Variants in ZNF721 observed in about 807,000 individuals in gnomAD.
The protein encoded by ZNF721 is zinc finger protein 721.
In ZNF721, 2 loss-of-function variants were observed where a neutral mutation model predicts 2.4. The observed-to-expected ratio is 0.82, with a 90% confidence interval of 0.34 to 2.58. ZNF721 has a LOEUF of 2.58. Among genes scored for constraint, ZNF721 ranks in the 30% most tolerant of loss-of-function variants. ZNF721 has a pLI of 0.11. For synonymous variants in ZNF721, 398 were observed against 381.8 expected, an observed-to-expected ratio of 1.04 and a Z score of -0.50; for missense variants, 1,187 against 1,085.5, an observed-to-expected ratio of 1.09 and a Z score of -1.31.
rs1461024671 is a variant in ZNF721 at position 450,957 on chromosome 4, ATATAT to A, written c.35-6530_35-6526del. ...GTCTCCAAAAAAAAAAAAAAAAAAA[ATATAT>A]ATATATATATATATATATATATATA... is the stretch of plus-strand genomic sequence containing the variant. On this transcript the variant is annotated intron_variant, in intron 2 of 2. Coordinates refer to ENST00000511833, the MANE Select transcript of ZNF721 (RefSeq NM_133474.4). 5.7e-3 allele frequency among the ~76,000 whole-genome samples: 192 copies of A among 33,582 alleles called. 5 individuals carry two copies. Among genetic ancestry groups the A allele is most frequent in the African/African-American group, 0.025 (129 of 5,182 alleles). 22.0% of individuals were successfully genotyped at this position (33,582 alleles called of 152,430 possible).
intron 1 of ZNF721, among the ~76,000 whole-genome samples, chr4:479,845 A>G (rs1269421156): frequency 6.6e-6 from 1 of 152,226 alleles, no homozygotes; most frequent in Non-Finnish European, 1.5e-5. Context: ...TCTGATTTAA[A>G]ACATCTGCCC....
At chr4:476,718 A>G (rs530722660) in intron 1 of ZNF721, among the ~76,000 whole-genome samples, 11 of 152,312 alleles carry the variant, frequency 7.2e-5, no homozygotes, top group Middle Eastern at 3.4e-3. Flanking sequence ...ACTGACTCAC[A>G]AAATAGAAAC....
rs558103778 is a variant in ZNF721 at position 480,923 on chromosome 4, T to C, written c.-93-8222A>G. ...ACCCAGAAATGGAATTGCTGGATTG[T>C]ATGACAATTTCATTTTTCTGATAGC... On this transcript the variant is annotated intron_variant, in intron 1 of 2. Transcript: ENST00000511833. Among the ~76,000 whole-genome samples the C allele has an allele frequency of 3.9e-5, 6 of 152,048 alleles. No homozygotes were observed. In the South Asian group the frequency reaches 8.3e-4, roughly 21 times the overall value.
intron 2 of ZNF721, among the ~76,000 whole-genome samples, chr4:454,642 C>T (rs782233879): frequency 1.3e-5 from 2 of 152,128 alleles, no homozygotes; most frequent in Non-Finnish European, 2.9e-5. Context: ...ACTATGCCTT[C>T]CCCATGTATC....
chr4:465,518 G>A (rs1206030929), intron 2 of ZNF721, among the ~76,000 whole-genome samples: 20 of 149,982 alleles, frequency 1.3e-4, no homozygotes, highest in Admixed American at 1.0e-3. Flanking sequence ...TGCAAGCTCC[G>A]CGCCCTGGGT....
chr4:455,684 T>A (rs1341185567), intron 2 of ZNF721, among the ~76,000 whole-genome samples: 1 of 151,914 alleles, frequency 6.6e-6, no homozygotes, highest in South Asian at 2.1e-4. Flanking sequence ...TCAGTCAAAA[T>A]TACAGAAACA....
chr4:448,649 A>G (rs1553864469), intron 2 of ZNF721, among the ~76,000 whole-genome samples: 1 of 152,228 alleles, frequency 6.6e-6, no homozygotes, highest in Admixed American at 6.5e-5. Context: ...AATCTTCAAA[A>G]AGAGAAGCAA....
At position 446,927 on chromosome 4, in the gene ZNF721, C is replaced by A. The variant is rs111892180; in HGVS notation, c.35-2495G>T. Among the ~76,000 whole-genome samples the A allele has an allele frequency of 1.0e-3, 159 of 152,152 alleles. 1 individual carries two copies. Among genetic ancestry groups the A allele is most frequent in the African/African-American group, 3.8e-3 (156 of 41,524 alleles). ...GATGGTCTCGATCTCTTTACGTAATCCGCCTGCCTCAGCCTCCCAAATTGC... is the reference window on the plus strand; with the variant it reads ...GATGGTCTCGATCTCTTTACGTAATACGCCTGCCTCAGCCTCCCAAATTGC... On this transcript the variant is annotated intron_variant, in intron 2 of 2. Transcript: ENST00000511833.
Position 496,707 on chromosome 4 carries a change from CTTTTTTT to C in ZNF721, c.-94+2342_-94+2348del, listed in dbSNP as rs781947891. Reference sequence around the variant, plus strand: ...AATGATCACACAAAATACATGACTTCTTTTTTTTTTTTTTTTTTTTTTTTTGAGACGG... The same window carrying C: ...AATGATCACACAAAATACATGACTTCTTTTTTTTTTTTTTTTTTGAGACGG... On this transcript the variant is annotated intron_variant, in intron 1 of 2. Transcript: ENST00000511833. Among the ~76,000 whole-genome samples the C allele has an allele frequency of 8.6e-4, 72 of 83,888 alleles. 1 individual carries two copies. Among genetic ancestry groups the C allele is most frequent in the African/African-American group, 2.3e-3 (50 of 21,474 alleles). The allele number at this position is 83,888 out of a possible 152,430, so 55.0% of individuals were successfully genotyped here.
In ZNF721 at chr4:441,795, T is replaced by C; in HGVS notation, c.2672A>G (p.Lys891Arg). Residue 891 changes from lysine to arginine, a missense_variant, in exon 3 of 3, where the codon AAA (lysine) becomes AGA (arginine). Coordinates refer to ENST00000511833, the MANE Select transcript of ZNF721 (RefSeq NM_133474.4). ...YAHKKIHTGEKPYTCGDCGKT... is the reference protein window; with the variant it reads ...YAHKKIHTGERPYTCGDCGKT... Reference sequence around the variant, plus strand: ...GCCACAGTCTCCACACGTGTAGGGTTTCTCTCCAGTATGAATTTTCTTATG... The same window carrying C: ...GCCACAGTCTCCACACGTGTAGGGTCTCTCTCCAGTATGAATTTTCTTATG... The C allele has an allele frequency of 6.2e-7, 1 of 1,613,892 alleles. No individual in the cohort carries two copies. The highest frequency in any genetic ancestry group is 8.5e-7 in the Non-Finnish European group (1 of 1,179,910).
chr4:463,330 T>C (rs868971343), intron 2 of ZNF721, among the ~76,000 whole-genome samples: 2 of 152,196 alleles, frequency 1.3e-5, no homozygotes, highest in African/African-American at 2.4e-5. Context: ...AGTTCAATCA[T>C]TGTGGAAGAC....
chr4:490,716 C>T (rs1715998643), intron 1 of ZNF721, among the ~76,000 whole-genome samples: 1 of 152,054 alleles, frequency 6.6e-6, no homozygotes, highest in Admixed American at 6.5e-5. Flanking sequence ...CATTTGTGAA[C>T]AAGTGTGTGT....
In ZNF721 at chr4:443,893, CT is replaced by C. The variant is rs1553863775; in HGVS notation, c.573del (p.Ala192LeufsTer17). ...CTGTCACGATCTTCACCTGTGTAAG[CT>C]TTCTCTCTGTTGTGAATTCTCTTAT... ...TAHKRIHNRE[K>X]AYTGEDRDRA... On this transcript the variant is annotated frameshift_variant, in exon 3 of 3. Coordinates refer to ENST00000511833, the MANE Select transcript of ZNF721 (RefSeq NM_133474.4). LOFTEE classifies it low-confidence loss of function (END_TRUNC). 2 of 1,613,734 alleles carry C rather than the reference CT, an allele frequency of 1.2e-6. No homozygotes were observed. The highest frequency in any genetic ancestry group is 1.7e-6 in the Non-Finnish European group (2 of 1,179,938).
At position 442,643 on chromosome 4, in the gene ZNF721, A is replaced by C. The variant is rs782723203; in HGVS notation, c.1824T>G (p.Thr608=). The C allele has an allele frequency of 2.4e-5, 39 of 1,613,968 alleles. 1 individual carries two copies. In the South Asian group the frequency reaches 3.5e-4, roughly 15 times the overall value. ...CTTCACATTTGTAAAGTTTCTCTCC[A>C]GTATGAATTTTCTTGTGTTGATTCA... ...TDLNQHKKIH[T]GEKLYKCEEC... Residue 608 remains threonine, a synonymous_variant, in exon 3 of 3, where the codon ACT becomes ACG. Transcript: ENST00000511833.
chr4:486,557 T>C (rs1288645169), intron 1 of ZNF721, among the ~76,000 whole-genome samples: 2 of 152,340 alleles, frequency 1.3e-5, no homozygotes, highest in Non-Finnish European at 2.9e-5. Flanking sequence ...AAGCATACTC[T>C]GCTGGTCGGC....
chr4:499,141 G>A lies in ZNF721; in HGVS notation c.-179C>T, dbSNP rs782113192. 5.3e-5 allele frequency: 32 copies of A among 604,982 alleles called. No individual in the cohort carries two copies. The highest frequency in any genetic ancestry group is 2.8e-5 in the Non-Finnish European group (10 of 357,920). 37.5% of individuals were successfully genotyped at this position (604,982 alleles called of 1,614,324 possible). On this transcript the variant is annotated 5_prime_UTR_variant, in exon 1 of 3. Transcript: ENST00000511833. ...CACCGCCCGCTGTTCGTATGTCCGA[G>A]GTGACGCCCCGCTGTGGCGGGCTGG...
intron 2 of ZNF721, among the ~76,000 whole-genome samples, chr4:456,637 T>C (rs1028201652): frequency 6.6e-6 from 1 of 152,126 alleles, no homozygotes; most frequent in African/African-American, 2.4e-5. Flanking sequence ...TCCCAACACT[T>C]TGAGAGGCCA....
intron 1 of ZNF721, among the ~76,000 whole-genome samples, chr4:489,427 T>A (rs1312012819): frequency 6.6e-6 from 1 of 152,118 alleles, no homozygotes; most frequent in Non-Finnish European, 1.5e-5. Flanking sequence ...TCTGTATGTC[T>A]TATTCTTCCT....
chr4:486,054 ACC>A (rs1715887536), intron 1 of ZNF721, among the ~76,000 whole-genome samples: 1 of 152,148 alleles, frequency 6.6e-6, no homozygotes, highest in Non-Finnish European at 1.5e-5. Flanking sequence ...AACTTTAAAT[ACC>A]ACCACCCACA....
Sources: gnomAD v4.1 joint callset for allele counts (sites outside exome capture counted in the v4.1 genomes callset) on GRCh38, gnomAD v4.1.1 for gene constraint, MANE v1.5 for transcripts, NCBI Gene and HGNC (gene_info 2026-07-23, HGNC 2026-07-21) for gene names.